Variants in ALS2CL observed in about 807,000 individuals in gnomAD.
The protein encoded by ALS2CL is ALS2 C-terminal like.
ALS2CL carries 112 observed loss-of-function variants against 127.9 expected under a neutral mutation model. The observed-to-expected ratio is 0.88, with a 90% confidence interval of 0.75 to 1.02. ALS2CL has a LOEUF of 1.02. Among genes scored for constraint, ALS2CL ranks in the 50% least tolerant of loss-of-function variants. ALS2CL has a pLI of 0.00. For missense variants in ALS2CL, 1,174 were observed against 1,236.7 expected, an observed-to-expected ratio of 0.95 and a Z score of 0.76; for synonymous variants, 519 against 527.6, an observed-to-expected ratio of 0.98 and a Z score of 0.22.
chr3:46,672,924 T>C (rs1444205097), intron 22 of ALS2CL, among the ~76,000 whole-genome samples: 1 of 152,194 alleles, frequency 6.6e-6, no homozygotes, highest in African/African-American at 2.4e-5. Flanking sequence ...GTTAGTCACT[T>C]GAACCCGGGA....
rs779843399 is a variant in ALS2CL at position 46,671,938 on chromosome 3, T to G, written c.2630A>C (p.Lys877Thr). 2 of 1,613,940 alleles carry G rather than the reference T, an allele frequency of 1.2e-6. No homozygotes were observed. The highest frequency in any genetic ancestry group is 1.7e-5 in the Admixed American group (1 of 60,016). The change falls in exon 24 of 26, where the codon AAG (lysine) becomes ACG (threonine). Residue 877 changes from lysine to threonine, a missense_variant. Coordinates refer to ENST00000318962, the MANE Select transcript of ALS2CL (RefSeq NM_147129.5). ...TGGCAGCAGGTCGTCCATGGGCAGC[T>G]TGTACTCCCGGCCCAATACCCTCGA... The part of the protein sequence containing the change: ...TVSRVLGREY[K>T]LPMDDLLPLL...
chr3:46,685,776 G>C (rs1005117008), intron 6 of ALS2CL, 132 bp from the exon 7 acceptor site: 1 of 1,298,836 alleles, frequency 7.7e-7, no homozygotes, highest in Non-Finnish European at 1.0e-6. Context: ...GCGGACCCTG[G>C]GTCAGAGATA....
intron 16 of ALS2CL, 163 bp from the exon 17 acceptor site, chr3:46,677,185 C>T (rs943840592): frequency 1.7e-5 from 24 of 1,428,742 alleles, no homozygotes; most frequent in African/African-American, 8.6e-5. Context: ...CTGACCTCCA[C>T]GGCTCCAGGA....
Position 46,672,016 on chromosome 3 carries a change from C to T in ALS2CL, c.2552G>A (p.Arg851Gln), listed in dbSNP as rs781041641. 30 of 1,613,926 alleles carry T rather than the reference C, an allele frequency of 1.9e-5. No individual in the cohort carries two copies. In the East Asian group the frequency reaches 2.0e-4, roughly 11 times the overall value. The stretch of plus-strand genomic sequence containing the variant: ...CCTCTCCAGCACCTCCAGCTTCTCC[C>T]GTGGGTCCACCGTGGTCCTGCAGCA... The part of the protein sequence containing the change: ...LQKIMTTVDP[R>Q]EKLEVLERTY... The change falls in exon 24 of 26, where the codon CGG (arginine) becomes CAG (glutamine). Residue 851 changes from arginine to glutamine, a missense_variant. Coordinates refer to ENST00000318962, the MANE Select transcript of ALS2CL (RefSeq NM_147129.5).
intron 14 of ALS2CL, 132 bp from the exon 15 acceptor site, chr3:46,679,419 C>A: frequency 1.3e-6 from 1 of 777,202 alleles, no homozygotes; most frequent in Non-Finnish European, 2.1e-6. Context: ...AGCCTCATCA[C>A]GCCCCACAGG....
At chr3:46,683,879 A>C (rs771104244) in intron 8 of ALS2CL, 31 bp from the exon 9 acceptor site, 4 of 1,613,824 alleles carry the variant, frequency 2.5e-6, no homozygotes, top group Non-Finnish European at 2.5e-6. Context: ...AGTAGGCCCC[A>C]GCTTTGTCCA....
At position 46,678,330 on chromosome 3, in the gene ALS2CL, C is replaced by T. The variant is rs1464365881; in HGVS notation, c.1686G>A (p.Gly562=). Residue 562 remains glycine, a synonymous_variant, in exon 16 of 26, where the codon GGG becomes GGA. Coordinates refer to ENST00000318962, the MANE Select transcript of ALS2CL (RefSeq NM_147129.5). ...GCACACCCTGTGTGTGCAGTCCTCT[C>T]CCTGCCCCACTGCCGAACGAGCCCT... is the stretch of plus-strand genomic sequence containing the variant. The part of the protein sequence containing the change: ...TLEGSFGSGA[G]RGLHTQGVLD... The T allele has an allele frequency of 2.5e-6, 4 of 1,613,368 alleles. No individual in the cohort carries two copies. The Admixed American group carries it at 5.0e-5, about 20-fold the overall frequency.
rs1486008048 is a variant in ALS2CL at position 46,682,033 on chromosome 3, G to A, written c.1171C>T (p.His391Tyr). 1 of 1,613,852 alleles carries A rather than the reference G, an allele frequency of 6.2e-7. No homozygotes were observed. Among genetic ancestry groups the A allele is most frequent in the Non-Finnish European group, 8.5e-7 (1 of 1,179,958 alleles). ...HVGNFCQGLE[H>Y]GFGIRLLPQA... ...AGTAGCCCCAGCCAGCCTTACCCAT[G>A]CTCCAGGCCCTGGCAGAAATTCCCC... The change falls in exon 11 of 26, where the codon CAT becomes TAT. Residue 391 changes from histidine to tyrosine, a missense_variant. His to Tyr is a moderately conservative substitution (Grantham distance 83). Transcript: ENST00000318962.
Position 46,681,861 on chromosome 3 carries a change from C to A in ALS2CL, c.1175+168G>T, listed in dbSNP as rs1699376176. ...GCTGAGACGGGCCCCCTATTCAGGC[C>A]CCCGGTTCCCCTTTGGTACAGTGGG... On this transcript the variant is annotated intron_variant, in intron 11 of 25. Coordinates refer to ENST00000318962, the MANE Select transcript of ALS2CL (RefSeq NM_147129.5). The surrounding 1 kb of genome is among the most constrained non-coding windows in gnomAD (Gnocchi z 4.9). Among the ~76,000 whole-genome samples, 1 of 152,138 alleles carries A rather than the reference C, an allele frequency of 6.6e-6. No homozygotes were observed. The highest frequency in any genetic ancestry group is 2.4e-5 in the African/African-American group (1 of 41,440).
At chr3:46,687,246 G>A in intron 4 of ALS2CL, 98 bp from the exon 5 acceptor site, 2 of 1,362,206 alleles carry the variant, frequency 1.5e-6, no homozygotes, top group Admixed American at 5.7e-5. Context: ...TCAGATCCCA[G>A]GGCCAGCCCC....
At chr3:46,683,716 C>T (rs756965982) in intron 9 of ALS2CL, 66 bp downstream of exon 9, 12 of 1,574,892 alleles carry the variant, frequency 7.6e-6, no homozygotes, top group Non-Finnish European at 1.0e-5. Context: ...GGGTTGCATA[C>T]TTCTGCCCTC....
chr3:46,689,255 C>T, intron 2 of ALS2CL, 83 bp downstream of exon 2: 2 of 1,400,914 alleles, frequency 1.4e-6, no homozygotes, highest in South Asian at 2.5e-5. Flanking sequence ...AGCTGTGGCT[C>T]AGCAAGTCCA....
chr3:46,689,315 C>T, intron 2 of ALS2CL, 23 bp downstream of exon 2: 2 of 1,610,222 alleles, frequency 1.2e-6, no homozygotes, highest in South Asian at 1.1e-5. Context: ...CCCTTCCCTC[C>T]CCACTAGAAA....
At chr3:46,679,318 A>G (rs1164568930) in intron 14 of ALS2CL, 31 bp from the exon 15 acceptor site, 11 of 1,532,106 alleles carry the variant, frequency 7.2e-6, no homozygotes, top group South Asian at 1.2e-5. Context: ...GAGGGTAGAA[A>G]GGGTGGGTGA....
At chr3:46,690,533 C>T (rs1036451123) in intron 1 of ALS2CL, among the ~76,000 whole-genome samples, 1 of 152,218 alleles carries the variant, frequency 6.6e-6, no homozygotes, top group Non-Finnish European at 1.5e-5. Context: ...CCTACCCCCA[C>T]AGCCAGGCTA....
intron 19 of ALS2CL, chr3:46,676,003 G>A (rs907043968): frequency 4.2e-6 from 6 of 1,417,122 alleles, no homozygotes; most frequent in Admixed American, 2.9e-5. Context: ...GTGCACCTGC[G>A]GTCAGAGTCA....
Position 46,678,252 on chromosome 3 carries a change from C to A in ALS2CL, c.1757+7G>T. On this transcript the variant is annotated splice_region_variant and intron_variant, in intron 16 of 25. Coordinates refer to ENST00000318962, the MANE Select transcript of ALS2CL (RefSeq NM_147129.5). Reference sequence around the variant, plus strand: ...TAGGCCCAGAGCCAGAGGGGCCAGGCACTCACCTCTTGCAGGTACTGCTCG... The same window carrying A: ...TAGGCCCAGAGCCAGAGGGGCCAGGAACTCACCTCTTGCAGGTACTGCTCG... 1.3e-6 allele frequency: 2 copies of A among 1,573,830 alleles called. No individual in the cohort carries two copies. Among genetic ancestry groups the A allele is most frequent in the Non-Finnish European group, 1.7e-6 (2 of 1,152,892 alleles).
intron 2 of ALS2CL, among the ~76,000 whole-genome samples, chr3:46,689,091 T>C (rs1284527405): frequency 6.6e-6 from 1 of 152,194 alleles, no homozygotes; most frequent in Non-Finnish European, 1.5e-5. Context: ...TAGCCAGGCG[T>C]GGTGGCAGGC....
At chr3:46,672,093 C>A (rs1698444097) in intron 23 of ALS2CL, 47 bp downstream of exon 23, 1 of 1,613,992 alleles carries the variant, frequency 6.2e-7, no homozygotes, top group Non-Finnish European at 8.5e-7. Context: ...CCAGGAGCAC[C>A]CCACACTCTG....
Sources: allele counts gnomAD v4.1 joint callset (sites outside exome capture counted in the v4.1 genomes callset), GRCh38; gene constraint gnomAD v4.1.1; non-coding constraint Gnocchi (gnomAD v3.1); transcripts MANE v1.5; gene names NCBI Gene and HGNC (gene_info 2026-07-23, HGNC 2026-07-21).